The following MYH1 variants were observed in gnomAD, a reference collection of about 807,000 sequenced individuals.
The protein encoded by MYH1 is myosin-1.
A neutral mutation model predicts 225.6 loss-of-function variants in MYH1; 214 were observed. The observed-to-expected ratio is 0.95, with a 90% confidence interval of 0.85 to 1.06. MYH1 has a LOEUF of 1.06. Ranked by LOEUF, MYH1 falls within the 50% of genes least tolerant of loss-of-function variation. MYH1 has a pLI of 0.00. For synonymous variants in MYH1, 774 were observed against 842.3 expected (o/e 0.92, Z 1.40); for missense variants, 2,098 against 2,344.2 (o/e 0.89, Z 2.17).
Position 10,494,960 on chromosome 17 carries a change from T to C in MYH1, c.5437A>G (p.Lys1813Glu), listed in dbSNP as rs779998753. ...EAEQLALKGGKKQIQKLEARV... is the reference protein window; with the variant it reads ...EAEQLALKGGEKQIQKLEARV... Reference sequence around the variant, plus strand: ...GCCTCCAGTTTCTGGATCTGCTTCTTCCCACCCTTCAGGGCCAGCTGCTCA... The same window carrying C: ...GCCTCCAGTTTCTGGATCTGCTTCTCCCCACCCTTCAGGGCCAGCTGCTCA... The change falls in exon 37 of 40, where the codon AAG becomes GAG. Residue 1813 changes from lysine to glutamate, a missense_variant. Coordinates refer to ENST00000226207, the MANE Select transcript of MYH1 (RefSeq NM_005963.4). 4 of 1,614,180 alleles carry C rather than the reference T, an allele frequency of 2.5e-6. No individual in the cohort carries two copies. In the East Asian group the frequency reaches 8.9e-5, roughly 36 times the overall value.
rs74828762 is a variant in MYH1, at chr17:10,495,946, G to A, written c.5169+4C>T. On this transcript the variant is annotated splice_donor_region_variant and intron_variant, in intron 35 of 39. Transcript: ENST00000226207. ...ATTTGTTGCTATTCTATTATTACAT[G>A]CACCTGGGTGTGCAGGAGCTGAACA... 37 of 1,613,794 alleles carry A rather than the reference G, an allele frequency of 2.3e-5. No individual in the cohort carries two copies. The highest frequency in any genetic ancestry group is 3.1e-5 in the Non-Finnish European group (37 of 1,179,962).
chr17:10,492,476 C>T lies in MYH1; in HGVS notation c.5760G>A (p.Gln1920=), dbSNP rs2072944069. Residue 1920 remains glutamine (Q), a synonymous_variant, in exon 40 of 40, where the codon CAG becomes CAA. Transcript: ENST00000226207. ...AEERADIAES[Q]VNKLRVKSRE... is the part of the protein sequence containing the mutation. Reference sequence around the variant, plus strand: ...TGCTCTTCACCCTCAGCTTGTTGACCTGGGACTCAGCAATGTCAGCCCGTT... The same window carrying T: ...TGCTCTTCACCCTCAGCTTGTTGACTTGGGACTCAGCAATGTCAGCCCGTT... 3 of 1,613,982 alleles carry T rather than the reference C, an allele frequency of 1.9e-6. No homozygotes were observed. Among genetic ancestry groups the T allele is most frequent in the Non-Finnish European group, 2.5e-6 (3 of 1,180,022 alleles).
At chr17:10,509,338 A>G (rs2073148879) in intron 15 of MYH1, 147 bp downstream of exon 15, 1 of 1,276,938 alleles carries the variant, frequency 7.8e-7, no homozygotes, top group South Asian at 1.5e-5. Flanking sequence ...TTACCAGAAT[A>G]TCTACTTCAG....
intron 17 of MYH1, among the ~76,000 whole-genome samples, 153 bp from the exon 18 acceptor site, chr17:10,506,252 A>C (rs1331014456): frequency 6.6e-6 from 1 of 152,222 alleles, no homozygotes; most frequent in Admixed American, 6.5e-5. Flanking sequence ...GAATTTCCAC[A>C]TTCCTAATAT....
Position 10,508,014 on chromosome 17 carries a change from T to G in MYH1, c.1898-58A>C, listed in dbSNP as rs539951573. 2.1e-4 allele frequency: 280 copies of G among 1,334,730 alleles called. 2 individuals are homozygous for G. Among genetic ancestry groups the G allele is most frequent in the East Asian group, 6.3e-4 (25 of 39,446 alleles). 82.7% of individuals were successfully genotyped at this position (1,334,730 alleles called of 1,614,324 possible). On this transcript the variant is annotated intron_variant, in intron 16 of 39. Coordinates refer to ENST00000226207, the MANE Select transcript of MYH1 (RefSeq NM_005963.4). ...CCTTTCTCTGGTTATGGTTTTTTTT[T>G]TTTGTTTTTTTTTGTTTTTTTTGAC...
At position 10,501,651 on chromosome 17, in the gene MYH1, C is replaced by G. The variant is rs781393011; in HGVS notation, c.3291G>C (p.Lys1097Asn). ...KEFEMSGLQS[K>N]IEDEQALGMQ... ...TACCAAGGGCTTGTTCATCTTCAAT[C>G]TTGCTTTGCAGACCGCTCATTTCAA... Residue 1097 changes from lysine (K) to asparagine (N), a missense_variant, in exon 26 of 40, where the codon AAG (lysine) becomes AAC (asparagine). Lys to Asn is a moderately conservative substitution (Grantham distance 94). Transcript: ENST00000226207. 52 of 1,614,130 alleles carry G rather than the reference C, an allele frequency of 3.2e-5. 1 individual carries two copies. The South Asian group carries it at 5.4e-4, about 17-fold the overall frequency.
At chr17:10,504,586 G>C (rs1297008718) in intron 22 of MYH1, among the ~76,000 whole-genome samples, 1 of 152,106 alleles carries the variant, frequency 6.6e-6, no homozygotes, top group Non-Finnish European at 1.5e-5. Context: ...ACAACAGAGG[G>C]GAAGGAAAAA....
chr17:10,509,670 A>G lies in MYH1; in HGVS notation c.1417-15T>C, dbSNP rs2073153034. On this transcript the variant is annotated splice_polypyrimidine_tract_variant and intron_variant, in intron 14 of 39. Coordinates refer to ENST00000226207, the MANE Select transcript of MYH1 (RefSeq NM_005963.4). Reference sequence around the variant, plus strand: ...AGGCTGTTGAACTAAATGAGTTGAAAATACAAATTAGCATTCAATTTATAA... The same window carrying G: ...AGGCTGTTGAACTAAATGAGTTGAAGATACAAATTAGCATTCAATTTATAA... 1 of 1,614,096 alleles carries G rather than the reference A, an allele frequency of 6.2e-7. No homozygotes were observed. Among genetic ancestry groups the G allele is most frequent in the Admixed American group, 1.7e-5 (1 of 60,002 alleles).
rs2073175457 is a variant in MYH1 at position 10,512,123 on chromosome 17, C to G, written c.1217G>C (p.Arg406Thr). 2 of 1,614,044 alleles carry G rather than the reference C, an allele frequency of 1.2e-6. No individual in the cohort carries two copies. The highest frequency in any genetic ancestry group is 3.3e-5 in the Admixed American group (2 of 60,004). ...GACATACTCATTGCCGACCTTGACC[C>G]TAGGGTAGCAGAGGGCTTTGAGCAG... is the stretch of plus-strand genomic sequence containing the variant. ...ADLLKALCYP[R>T]VKVGNEYVTK... is the part of the protein sequence containing the mutation. Residue 406 changes from arginine (R) to threonine (T), a missense_variant, in exon 13 of 40, where the codon AGG becomes ACG. Physicochemically the swap from Arg to Thr is moderately conservative, Grantham distance 71. Transcript: ENST00000226207.
At position 10,502,946 on chromosome 17, in the gene MYH1, C is replaced by A. The variant is rs201712956; in HGVS notation, c.2935-32G>T. 177 of 1,614,054 alleles carry A rather than the reference C, an allele frequency of 1.1e-4. 1 individual carries two copies. The highest frequency in any genetic ancestry group is 8.3e-4 in the Middle Eastern group (5 of 6,054). ...AGGTGAAGAAAGCAGCTTAGTTGCT[C>A]TAAAGCACCTTTGTTGGGTGGCAGA... On this transcript the variant is annotated intron_variant, in intron 23 of 39. Transcript: ENST00000226207.
chr17:10,506,577 C>T (rs1003717377), intron 17 of MYH1, among the ~76,000 whole-genome samples: 2 of 151,936 alleles, frequency 1.3e-5, no homozygotes, highest in African/African-American at 4.8e-5. Context: ...ACGGTAACCT[C>T]TGCCTCCCGG....
At chr17:10,505,100 T>C in intron 21 of MYH1, 35 bp from the exon 22 acceptor site, 1 of 1,612,958 alleles carries the variant, frequency 6.2e-7, no homozygotes, top group Non-Finnish European at 8.5e-7. Flanking sequence ...AATCAGATTA[T>C]AATAAGAAGC....
Position 10,503,207 on chromosome 17 carries a change from C to A in MYH1, c.2733G>T (p.Gln911His). ...SLADAEERCDQLIKTKIQLEA... is the reference protein window; with the variant it reads ...SLADAEERCDHLIKTKIQLEA... The stretch of plus-strand genomic sequence containing the variant: ...CTAGCTGGATTTTGGTTTTGATTAG[C>A]TGGTCACACCTTTCCTCTGCATCAG... Residue 911 changes from glutamine (Q) to histidine (H), a missense_variant, in exon 23 of 40, where the codon CAG (glutamine) becomes CAT (histidine). By Grantham distance (24) the Gln-to-His change is conservative. Transcript: ENST00000226207. The A allele has an allele frequency of 6.2e-7, 1 of 1,614,114 alleles. No homozygotes were observed. The highest frequency in any genetic ancestry group is 8.5e-7 in the Non-Finnish European group (1 of 1,180,012).
At chr17:10,518,428 G>A (rs2073250832) in intron 1 of MYH1, 92 bp downstream of exon 1, 1 of 152,178 alleles carries the variant, frequency 6.6e-6, no homozygotes, top group African/African-American at 2.4e-5. Context: ...GGCTGCCAGG[G>A]ACAGTGGGAG....
At chr17:10,493,169 C>T (rs529921293) in intron 39 of MYH1, among the ~76,000 whole-genome samples, 1 of 152,242 alleles carries the variant, frequency 6.6e-6, no homozygotes, top group Admixed American at 6.5e-5. Context: ...AAATTTAGAA[C>T]AGACATAAAG....
At chr17:10,506,354 T>C (rs766991674) in intron 17 of MYH1, among the ~76,000 whole-genome samples, 1 of 152,204 alleles carries the variant, frequency 6.6e-6, no homozygotes, top group Non-Finnish European at 1.5e-5. Context: ...TCCTAGTATA[T>C]GTTTTAAATT....
chr17:10,512,403 G>T lies in MYH1; in HGVS notation c.1147+5C>A, dbSNP rs764563204. The T allele has an allele frequency of 2.5e-6, 4 of 1,613,986 alleles. No homozygotes were observed. The highest frequency in any genetic ancestry group is 2.7e-5 in the African/African-American group (2 of 74,972). Reference sequence around the variant, plus strand: ...ATTAAACCCAGATGGAGATTCATTTGGTACCTTCAGTGCCATCTGGCTCAG... The same window carrying T: ...ATTAAACCCAGATGGAGATTCATTTTGTACCTTCAGTGCCATCTGGCTCAG... On this transcript the variant is annotated splice_donor_5th_base_variant and intron_variant, in intron 12 of 39. Transcript: ENST00000226207.
Position 10,512,978 on chromosome 17 carries a change from G to A in MYH1, c.806-13C>T, listed in dbSNP as rs1324141981. 2 of 1,569,692 alleles carry A rather than the reference G, an allele frequency of 1.3e-6. No individual in the cohort carries two copies. The highest frequency in any genetic ancestry group is 1.8e-6 in the Non-Finnish European group (2 of 1,142,658). ...TTCTCCAGAAGATCTGCAACGGATA[G>A]TAGACATCAGATTATGGGGAAAAAT... is the stretch of plus-strand genomic sequence containing the variant. On this transcript the variant is annotated splice_polypyrimidine_tract_variant and intron_variant, in intron 9 of 39. Coordinates refer to ENST00000226207, the MANE Select transcript of MYH1 (RefSeq NM_005963.4).
rs867415657 is a variant in MYH1 at position 10,509,532 on chromosome 17, T to C, written c.1540A>G (p.Ile514Val). 7 of 1,614,182 alleles carry C rather than the reference T, an allele frequency of 4.3e-6. No homozygotes were observed. The highest frequency in any genetic ancestry group is 5.9e-6 in the Non-Finnish European group (7 of 1,180,024). ...GCAGCCAGGTCCATCCCAAAGTCAA[T>C]GAACGTCCACTCAATGCCTTCCTTC... ...YKKEGIEWTFIDFGMDLAACI... is the reference protein window; with the variant it reads ...YKKEGIEWTFVDFGMDLAACI... Residue 514 changes from isoleucine (I) to valine (V), a missense_variant, in exon 15 of 40, where the codon ATT (isoleucine) becomes GTT (valine). By Grantham distance (29) the Ile-to-Val change is conservative (BLOSUM62 3). Coordinates refer to ENST00000226207, the MANE Select transcript of MYH1 (RefSeq NM_005963.4).
Sources: gnomAD v4.1 joint callset for allele counts (sites outside exome capture counted in the v4.1 genomes callset) on GRCh38, gnomAD v4.1.1 for gene constraint, MANE v1.5 for transcripts, NCBI Gene and HGNC (gene_info 2026-07-23, HGNC 2026-07-21) for gene names.